Variants in SHANK2 observed in about 807,000 individuals in gnomAD.
SHANK2 encodes the protein SH3 and multiple ankyrin repeat domains protein 2.
SHANK2 carries 43 observed loss-of-function variants against 133.7 expected under a neutral mutation model. The observed-to-expected ratio is 0.32, with a 90% CI of 0.25 to 0.41. SHANK2 has a LOEUF of 0.41. Among genes scored for constraint, SHANK2 ranks in the 10% least tolerant of loss-of-function variants. The pLI is 1.00. For missense variants in SHANK2, 1,994 were observed against 2,235.8 expected (o/e 0.89, Z 2.18); for synonymous variants, 1,017 against 952.8 (o/e 1.07, Z -1.24).
At chr11:70,728,169 C>T (rs989976424) in intron 14 of SHANK2, among the ~76,000 whole-genome samples, 7 of 152,182 alleles carry the variant, frequency 4.6e-5, no homozygotes, top group South Asian at 2.1e-4. Flanking sequence ...GGGGTTAAAC[C>T]GACTCCCAAA....
chr11:70,943,867 C>T (rs896903933), intron 10 of SHANK2: 2 of 452,716 alleles, frequency 4.4e-6, no homozygotes, highest in Non-Finnish European at 8.9e-6. Context: ...AGTGCTTTTT[C>T]AGGTGCTTGC....
chr11:70,845,961 G>A (rs1434717399), intron 11 of SHANK2, among the ~76,000 whole-genome samples: 1 of 152,184 alleles, frequency 6.6e-6, no homozygotes, highest in Non-Finnish European at 1.5e-5. Flanking sequence ...CAGAGACGCT[G>A]TTCCCCGTCT....
At chr11:70,840,159 T>C (rs1555061221) in intron 11 of SHANK2, among the ~76,000 whole-genome samples, 1 of 152,194 alleles carries the variant, frequency 6.6e-6, no homozygotes, top group African/African-American at 2.4e-5. Context: ...CGGTCACAGC[T>C]TCCCAGGCAG....
At chr11:70,703,309 G>T (rs1945581372) in intron 14 of SHANK2, among the ~76,000 whole-genome samples, 1 of 152,256 alleles carries the variant, frequency 6.6e-6, no homozygotes, top group African/African-American at 2.4e-5. Flanking sequence ...TTGTGGTGCA[G>T]CCTCCGGGGG....
chr11:70,683,984 A>G, intron 15 of SHANK2, among the ~76,000 whole-genome samples: 1 of 151,942 alleles, frequency 6.6e-6, no homozygotes, highest in African/African-American at 2.4e-5. Flanking sequence ...GGATTTCACC[A>G]TGTTGGCCAG....
intron 1 of SHANK2, among the ~76,000 whole-genome samples, chr11:71,232,243 G>A (rs1954753373): frequency 1.3e-5 from 2 of 152,204 alleles, no homozygotes; most frequent in Non-Finnish European, 1.5e-5. Flanking sequence ...GGAAGGAAGT[G>A]TGTCAGGCCA....
intron 11 of SHANK2, among the ~76,000 whole-genome samples, chr11:70,848,094 C>T (rs1949024165): frequency 6.6e-6 from 1 of 152,234 alleles, no homozygotes; most frequent in African/African-American, 2.4e-5. Flanking sequence ...GTCCGCTGGG[C>T]TTCATTTCAC....
intron 17 of SHANK2, among the ~76,000 whole-genome samples, chr11:70,580,773 G>A (rs1035679088): frequency 5.3e-5 from 8 of 152,238 alleles, no homozygotes; most frequent in Admixed American, 2.0e-4. Flanking sequence ...AGCAGGCCAC[G>A]GGCCACATCT....
At chr11:70,605,376 G>A (rs10899235) in intron 17 of SHANK2, among the ~76,000 whole-genome samples, 60,213 of 152,088 alleles carry the variant, frequency 0.4, 12,963 homozygotes, top group Non-Finnish European at 0.49. Flanking sequence ...CGCGACAGGC[G>A]CACCCTCAGT....
Position 71,210,243 on chromosome 11 carries a change from TA to T in SHANK2, c.-13+14453del, listed in dbSNP as rs1565516753. On this transcript the variant is annotated intron_variant, in intron 2 of 25. Transcript: ENST00000601538. ...ATATATATATATATATATATATATA[TA>T]TATATATATTTATTTATTTTTTGAA... 2.4e-3 allele frequency among the ~76,000 whole-genome samples: 263 copies of T among 108,998 alleles called. 4 individuals carry two copies. Among genetic ancestry groups the T allele is most frequent in the Non-Finnish European group, 3.2e-3 (190 of 58,566 alleles). 71.5% of individuals were successfully genotyped at this position (108,998 alleles called of 152,430 possible).
intron 10 of SHANK2, among the ~76,000 whole-genome samples, chr11:70,917,791 G>A (rs1950290115): frequency 6.6e-6 from 1 of 152,130 alleles, no homozygotes; most frequent in Non-Finnish European, 1.5e-5. Flanking sequence ...ATTTATCAGT[G>A]GGAACTAAAT....
In SHANK2 at chr11:70,580,586, G is replaced by A. The variant is rs531132111; in HGVS notation, c.2062-77655C>T. 4.6e-5 allele frequency among the ~76,000 whole-genome samples: 7 copies of A among 152,330 alleles called. No individual in the cohort carries two copies. In the South Asian group the frequency reaches 8.3e-4, roughly 18 times the overall value. On this transcript the variant is annotated intron_variant, in intron 17 of 25. Coordinates refer to ENST00000601538, the MANE Select transcript of SHANK2 (RefSeq NM_012309.5). ...ATTGTGGGCACCTGGTGGCACCCAC[G>A]GGGGCTCAAGATGAAGGAGGAGGGA...
At chr11:70,759,592 T>C (rs933510141) in intron 14 of SHANK2, among the ~76,000 whole-genome samples, 1 of 152,166 alleles carries the variant, frequency 6.6e-6, no homozygotes, top group Non-Finnish European at 1.5e-5. Flanking sequence ...CTGGCCGGCG[T>C]TAACACTAAA....
intron 17 of SHANK2, among the ~76,000 whole-genome samples, chr11:70,530,429 G>A (rs144742080): frequency 0.015 from 2,218 of 152,216 alleles, 46 homozygotes; most frequent in African/African-American, 0.051. Context: ...CCAGTTAATC[G>A]GGAGGCTGAA....
At chr11:70,638,538 C>CCTT (rs1555005174) in intron 17 of SHANK2, among the ~76,000 whole-genome samples, 1 of 152,158 alleles carries the variant, frequency 6.6e-6, no homozygotes, top group African/African-American at 2.4e-5. Flanking sequence ...CAGCCGAGGA[C>CCTT]CAAGGAGCAG....
intron 1 of SHANK2, among the ~76,000 whole-genome samples, chr11:71,226,053 T>C (rs1954637191): frequency 6.7e-6 from 1 of 148,630 alleles, no homozygotes; most frequent in African/African-American, 2.6e-5. Context: ...ACCCAGGAGG[T>C]AGAGGTTGCA....
chr11:70,811,520 T>C (rs1330447197), intron 12 of SHANK2, among the ~76,000 whole-genome samples: 8 of 152,014 alleles, frequency 5.3e-5, no homozygotes, highest in African/African-American at 1.4e-4. Context: ...TGTTCTTCCA[T>C]CCATCCACCC....
At chr11:71,206,763 G>A (rs1224458780) in intron 2 of SHANK2, among the ~76,000 whole-genome samples, 8 of 151,910 alleles carry the variant, frequency 5.3e-5, no homozygotes, top group South Asian at 2.1e-4. Context: ...AGCAAGACGC[G>A]GCAACTACAA....
intron 17 of SHANK2, among the ~76,000 whole-genome samples, chr11:70,577,281 G>T (rs1247904742): frequency 1.3e-5 from 2 of 152,220 alleles, no homozygotes; most frequent in East Asian, 3.9e-4. Context: ...GCTCCAGGCA[G>T]GGGCCATGAT....
Sources: allele counts gnomAD v4.1 joint callset (sites outside exome capture counted in the v4.1 genomes callset), GRCh38; gene constraint gnomAD v4.1.1; transcripts MANE v1.5; gene names NCBI Gene and HGNC (gene_info 2026-07-23, HGNC 2026-07-21).